Variants in FAM98B observed in about 807,000 individuals in gnomAD.
FAM98B encodes the protein tRNA-splicing ligase complex subunit FAM98B.
In FAM98B, 32 loss-of-function variants were observed where a neutral mutation model predicts 43.9. The ratio of observed to expected loss-of-function variants is 0.73; its 90% CI spans 0.55 to 0.98. FAM98B has a LOEUF of 0.98. Ranked by LOEUF, FAM98B falls within the 50% of genes least tolerant of loss-of-function variation. The pLI, the probability that FAM98B is intolerant of heterozygous loss-of-function variation, is 0.00. For missense variants in FAM98B, 514 were observed against 522.9 expected (o/e 0.98, Z 0.17); for synonymous variants, 190 against 174.0 (o/e 1.09, Z -0.72).
intron 1 of FAM98B, among the ~76,000 whole-genome samples, chr15:38,460,008 G>T (rs115462794): frequency 2.5e-4 from 38 of 152,322 alleles, no homozygotes; most frequent in African/African-American, 9.1e-4. Context: ...TCTCTTGGCT[G>T]ATGAAAATAG....
chr15:38,482,185 C>G (rs1216810767), intron 7 of FAM98B: 2 of 152,366 alleles, frequency 1.3e-5, no homozygotes, highest in Admixed American at 6.5e-5. Context: ...GATAAAATAC[C>G]TTTTCAGAGG....
chr15:38,484,125 G>T (rs1198708071), intron 7 of FAM98B, 130 bp from the exon 8 acceptor site: 4 of 735,132 alleles, frequency 5.4e-6, no homozygotes, highest in Non-Finnish European at 8.9e-6. Flanking sequence ...ATATTAATTT[G>T]TTCTGCCATG....
At chr15:38,475,821 A>C (rs1023505195) in intron 6 of FAM98B, among the ~76,000 whole-genome samples, 5 of 152,192 alleles carry the variant, frequency 3.3e-5, no homozygotes, top group African/African-American at 1.2e-4. Flanking sequence ...CTTCTAAATG[A>C]ATTTTATTTT....
In FAM98B at chr15:38,463,322, T is replaced by A. The variant is rs114240625; in HGVS notation, c.72-710T>A. On this transcript the variant is annotated intron_variant, in intron 1 of 7. Transcript: ENST00000397609. Reference sequence around the variant, plus strand: ...CCTGGCCAACATGGCTAAACCCCCTTTCTACTAAAAATACAAACATTAGCT... The same window carrying A: ...CCTGGCCAACATGGCTAAACCCCCTATCTACTAAAAATACAAACATTAGCT... Among the ~76,000 whole-genome samples the A allele has an allele frequency of 8.2e-3, 1,250 of 151,664 alleles. 29 individuals are homozygous for A. Among genetic ancestry groups the A allele is most frequent in the African/African-American group, 0.029 (1,206 of 41,338 alleles).
At chr15:38,465,244 G>A in intron 2 of FAM98B, 25 bp from the exon 3 acceptor site, 1 of 1,593,150 alleles carries the variant, frequency 6.3e-7, no homozygotes, top group African/African-American at 1.4e-5. Context: ...CTCAGTAAAT[G>A]TTTTATGATT....
At chr15:38,483,704 TATATATAC>T (rs1334355875) in intron 7 of FAM98B, 23 of 133,550 alleles carry the variant, frequency 1.7e-4, no homozygotes, top group African/African-American at 6.2e-4. Context: ...TATATATATA[TATATATAC>T]ACTAAGGAAT....
chr15:38,471,462 C>T lies in FAM98B; in HGVS notation c.531+1057C>T, dbSNP rs547420121. On this transcript the variant is annotated intron_variant, in intron 4 of 7. Coordinates refer to ENST00000397609, the MANE Select transcript of FAM98B (RefSeq NM_173611.4). ...TTTCTGGGACTATTTCAGATTGAGA[C>T]AGATTTCTGAGCTCATTATAATTCA... Among the ~76,000 whole-genome samples the T allele has an allele frequency of 2.0e-5, 3 of 152,112 alleles. No homozygotes were observed. In the East Asian group the frequency reaches 5.8e-4, roughly 29 times the overall value.
intron 3 of FAM98B, among the ~76,000 whole-genome samples, chr15:38,466,893 C>T (rs979731569): frequency 6.6e-6 from 1 of 152,176 alleles, no homozygotes; most frequent in African/African-American, 2.4e-5. Context: ...CTCGCACTCA[C>T]TCTTAAATAA....
In FAM98B at chr15:38,485,233, C is replaced by T. The variant is rs906798673; in HGVS notation, c.*574C>T. ...TCTAGCCATGTTTCTGTTAAAGTTT[C>T]ATTAATTGAAGCCCAAGTTTACTTT... On this transcript the variant is annotated 3_prime_UTR_variant, in exon 8 of 8. Transcript: ENST00000397609. 2.0e-5 allele frequency: 3 copies of T among 152,172 alleles called. No homozygotes were observed. Among genetic ancestry groups the T allele is most frequent in the African/African-American group, 7.2e-5 (3 of 41,436 alleles). The allele number at this position is 152,172 out of a possible 1,614,324, so 9.4% of individuals were successfully genotyped here.
intron 1 of FAM98B, among the ~76,000 whole-genome samples, chr15:38,457,227 G>T (rs181177316): frequency 5.9e-5 from 9 of 151,972 alleles, no homozygotes; most frequent in Non-Finnish European, 1.2e-4. Context: ...TATGATACCC[G>T]GGCTAGTCTT....
rs1890367016 is a variant in FAM98B, at chr15:38,486,107, A to G, written c.*1448A>G. 1 of 152,118 alleles carries G rather than the reference A, an allele frequency of 6.6e-6. No homozygotes were observed. Among genetic ancestry groups the G allele is most frequent in the African/African-American group, 2.4e-5 (1 of 41,442 alleles). 9.4% of individuals were successfully genotyped at this position (152,118 alleles called of 1,614,324 possible). A position where few individuals can be genotyped will look rare whatever the true frequency, so the allele number is the denominator to read the frequency against. ...AAATCTAAAATAATGTTAAAACCCT[A>G]AAAGTAACTATTGAATATTCTGTAA... On this transcript the variant is annotated 3_prime_UTR_variant, in exon 8 of 8. Transcript: ENST00000397609.
rs1326273791 is a variant in FAM98B, at chr15:38,479,985, C to G, written c.730-1307C>G. Reference sequence around the variant, plus strand: ...TAAGCTTATTAGTCATTTGAATTTCCTCTTTTTAACTTCTATTTATGTCTT... The same window carrying G: ...TAAGCTTATTAGTCATTTGAATTTCGTCTTTTTAACTTCTATTTATGTCTT... On this transcript the variant is annotated intron_variant, in intron 6 of 7. Transcript: ENST00000397609. Among the ~76,000 whole-genome samples, 3 of 151,890 alleles carry G rather than the reference C, an allele frequency of 2.0e-5. No homozygotes were observed. The East Asian group carries it at 5.8e-4, about 29-fold the overall frequency.
At chr15:38,459,166 C>T (rs1007667326) in intron 1 of FAM98B, 1 of 388,028 alleles carries the variant, frequency 2.6e-6, no homozygotes, top group Non-Finnish European at 5.1e-6. Flanking sequence ...TCCTCAATCT[C>T]TGTAGGCACT....
chr15:38,460,852 T>C (rs1391749524), intron 1 of FAM98B, among the ~76,000 whole-genome samples: 2 of 152,238 alleles, frequency 1.3e-5, no homozygotes, highest in Non-Finnish European at 2.9e-5. Flanking sequence ...AAAATGAAGC[T>C]AATAATAGTA....
At chr15:38,466,627 T>A (rs1279241464) in intron 3 of FAM98B, among the ~76,000 whole-genome samples, 4 of 152,102 alleles carry the variant, frequency 2.6e-5, no homozygotes, top group African/African-American at 9.7e-5. Context: ...AGGGCGGTGA[T>A]GAGGAGTTAG....
intron 4 of FAM98B, among the ~76,000 whole-genome samples, chr15:38,471,731 C>CT (rs1162306455): frequency 6.6e-6 from 1 of 152,046 alleles, no homozygotes; most frequent in East Asian, 1.9e-4. Context: ...CCAGAAGACA[C>CT]TTTGTTACCA....
intron 1 of FAM98B, among the ~76,000 whole-genome samples, chr15:38,456,421 T>C (rs891218463): frequency 6.6e-6 from 1 of 152,212 alleles, no homozygotes; most frequent in African/African-American, 2.4e-5. Context: ...ATTCACAGAC[T>C]CAGTTGAGAA....
intron 5 of FAM98B, 43 bp downstream of exon 5, chr15:38,473,628 G>A (rs1442211901): frequency 6.9e-7 from 1 of 1,450,658 alleles, no homozygotes; most frequent in Admixed American, 1.9e-5. Context: ...AATTACATTA[G>A]TGAATATGAC....
intron 1 of FAM98B, 130 bp downstream of exon 1, chr15:38,454,362 C>T: frequency 1.1e-6 from 1 of 900,728 alleles, no homozygotes; most frequent in South Asian, 1.5e-5. Context: ...GCCTCGATCC[C>T]TCCGGCGCCG....
Sources: gnomAD v4.1 joint callset for allele counts (sites outside exome capture counted in the v4.1 genomes callset) on GRCh38, gnomAD v4.1.1 for gene constraint, MANE v1.5 for transcripts, NCBI Gene and HGNC (gene_info 2026-07-23, HGNC 2026-07-21) for gene names.